Variants in IPMK observed in about 807,000 individuals in gnomAD.
The protein encoded by IPMK is inositol 1,3,4,6-tetrakisphosphate 5-kinase.
Under a neutral mutation model 45.8 loss-of-function variants are expected in IPMK, and 17 were observed. The observed-to-expected ratio is 0.37, with a 90% CI of 0.25 to 0.56. The LOEUF (loss-of-function observed/expected upper bound fraction) is 0.56. Among genes scored for constraint, IPMK ranks in the 20% least tolerant of loss-of-function variants. IPMK has a pLI of 0.79. For synonymous variants in IPMK, 180 were observed against 184.3 expected, an observed-to-expected ratio of 0.98 and a Z score of 0.19; for missense variants, 399 against 498.0, an observed-to-expected ratio of 0.80 and a Z score of 1.89.
At chr10:58,230,103 G>A (rs1032393674) in intron 2 of IPMK, among the ~76,000 whole-genome samples, 9 of 152,170 alleles carry the variant, frequency 5.9e-5, no homozygotes, top group Admixed American at 1.3e-4. Flanking sequence ...GCCTGGCTGG[G>A]GGAGGGGAAT....
At chr10:58,260,349 G>C (rs1211634344) in intron 1 of IPMK, among the ~76,000 whole-genome samples, 1 of 152,182 alleles carries the variant, frequency 6.6e-6, no homozygotes, top group African/African-American at 2.4e-5. Context: ...CCTGGATGAA[G>C]GAAAGTGCTG....
chr10:58,224,403 T>A (rs1399770856), intron 3 of IPMK, among the ~76,000 whole-genome samples: 2 of 152,232 alleles, frequency 1.3e-5, no homozygotes, highest in African/African-American at 4.8e-5. Context: ...ATAACTAGCA[T>A]GAAATGTTCA....
At chr10:58,248,003 C>T (rs1249943882) in intron 1 of IPMK, among the ~76,000 whole-genome samples, 2 of 152,096 alleles carry the variant, frequency 1.3e-5, no homozygotes, top group East Asian at 3.9e-4. Context: ...TTTCTCTTTA[C>T]TAAATGAACA....
intron 1 of IPMK, among the ~76,000 whole-genome samples, chr10:58,241,487 C>T (rs180900438): frequency 1.2e-4 from 19 of 152,256 alleles, no homozygotes; most frequent in Admixed American, 9.2e-4. Flanking sequence ...AAACAAAAGA[C>T]GACACTAGCA....
At chr10:58,262,818 T>C (rs1432432727) in intron 1 of IPMK, among the ~76,000 whole-genome samples, 1 of 152,202 alleles carries the variant, frequency 6.6e-6, no homozygotes, top group Non-Finnish European at 1.5e-5. Context: ...TGTTATCAAA[T>C]AGGAATCCAT....
At chr10:58,228,149 C>T (rs975987354) in intron 2 of IPMK, among the ~76,000 whole-genome samples, 8 of 152,124 alleles carry the variant, frequency 5.3e-5, no homozygotes, top group African/African-American at 1.9e-4. Context: ...TATACCTGAA[C>T]GTCCCTCTAT....
At chr10:58,234,612 T>A (rs1838579759) in intron 2 of IPMK, among the ~76,000 whole-genome samples, 1 of 152,148 alleles carries the variant, frequency 6.6e-6, no homozygotes, top group Non-Finnish European at 1.5e-5. Flanking sequence ...TGGCTAGCCA[T>A]ATGGAGAAAG....
intron 1 of IPMK, among the ~76,000 whole-genome samples, chr10:58,261,736 C>G (rs1390712168): frequency 2.0e-5 from 3 of 152,124 alleles, no homozygotes; most frequent in Non-Finnish European, 4.4e-5. Flanking sequence ...GCGCCACCAA[C>G]ACATCCGGCT....
chr10:58,250,373 G>A (rs1350837301), intron 1 of IPMK, among the ~76,000 whole-genome samples: 2 of 151,924 alleles, frequency 1.3e-5, no homozygotes, highest in East Asian at 3.9e-4. Context: ...AGTTTTTATT[G>A]TAAAGATATT....
At position 58,221,907 on chromosome 10, in the gene IPMK, C is replaced by T. The variant is rs1215166902; in HGVS notation, c.373+5136G>A. 2.6e-5 allele frequency among the ~76,000 whole-genome samples: 4 copies of T among 152,106 alleles called. No individual in the cohort carries two copies. In the South Asian group the frequency reaches 6.2e-4, roughly 24 times the overall value. ...GGGACTACAGGTGCCTACCACCATG[C>T]CCAGCTAATTTTTGTATTTTTAGTA... On this transcript the variant is annotated intron_variant, in intron 3 of 5. Transcript: ENST00000373935.
intron 1 of IPMK, among the ~76,000 whole-genome samples, chr10:58,246,501 A>C (rs571101342): frequency 2.8e-5 from 4 of 142,986 alleles, no homozygotes; most frequent in African/African-American, 1.1e-4. Context: ...ATAACGCCGC[A>C]TATCTACAAC....
intron 3 of IPMK, among the ~76,000 whole-genome samples, chr10:58,225,334 T>G (rs552788816): frequency 1.7e-4 from 26 of 152,304 alleles, no homozygotes; most frequent in Admixed American, 1.5e-3. Flanking sequence ...GTTAGCCAAG[T>G]TCACAATATT....
At chr10:58,212,023 T>G (rs1838173486) in intron 4 of IPMK, among the ~76,000 whole-genome samples, 1 of 152,090 alleles carries the variant, frequency 6.6e-6, no homozygotes, top group South Asian at 2.1e-4. Context: ...ATCTTTTTAT[T>G]CTCTTAGTAA....
intron 4 of IPMK, among the ~76,000 whole-genome samples, chr10:58,215,385 AT>A (rs57335566): frequency 6.7e-4 from 96 of 143,698 alleles, no homozygotes; most frequent in Admixed American, 9.0e-4. Context: ...ACAATTACCT[AT>A]TTTTTTTTTT....
intron 4 of IPMK, among the ~76,000 whole-genome samples, chr10:58,205,150 C>A (rs184008323): frequency 4.6e-5 from 7 of 152,136 alleles, no homozygotes; most frequent in African/African-American, 1.7e-4. Context: ...AGGAGTAAAT[C>A]TTGATGAGTT....
chr10:58,236,210 C>T (rs1838610370), intron 2 of IPMK, among the ~76,000 whole-genome samples: 2 of 152,102 alleles, frequency 1.3e-5, no homozygotes, highest in East Asian at 1.9e-4. Context: ...AGATTATAGG[C>T]ATAAGCCACC....
chr10:58,215,844 A>G (rs923395585), intron 4 of IPMK, among the ~76,000 whole-genome samples: 1 of 152,178 alleles, frequency 6.6e-6, no homozygotes, highest in African/African-American at 2.4e-5. Flanking sequence ...GCTTGCACCT[A>G]AATTTAAGAC....
chr10:58,224,609 T>C (rs1427510478), intron 3 of IPMK, among the ~76,000 whole-genome samples: 1 of 152,172 alleles, frequency 6.6e-6, no homozygotes, highest in African/African-American at 2.4e-5. Flanking sequence ...AAAAACCTCA[T>C]TGGTCAGAAC....
intron 4 of IPMK, among the ~76,000 whole-genome samples, chr10:58,202,662 C>G (rs909984537): frequency 2.0e-5 from 3 of 151,516 alleles, no homozygotes; most frequent in Non-Finnish European, 4.4e-5. Flanking sequence ...TGTCTCAAAA[C>G]AAACAAACAA....
Sources: allele counts gnomAD v4.1 joint callset (sites outside exome capture counted in the v4.1 genomes callset), GRCh38; gene constraint gnomAD v4.1.1; transcripts MANE v1.5; gene names NCBI Gene and HGNC (gene_info 2026-07-23, HGNC 2026-07-21).